The following DLG2 variants were observed in gnomAD, a reference collection of about 807,000 sequenced individuals.
DLG2 encodes the protein disks large homolog 2.
A neutral mutation model predicts 132.5 loss-of-function variants in DLG2; 45 were observed. That is an observed-to-expected ratio of 0.34 (90% CI 0.27 to 0.44). The LOEUF (loss-of-function observed/expected upper bound fraction) is 0.44. DLG2 is among the 20% of genes least tolerant of loss of function. The probability of loss-of-function intolerance (pLI) is 1.00; values close to 1 mark genes in which losing one functional copy is unlikely to be tolerated. For missense variants in DLG2, 1,045 were observed against 1,196.9 expected (o/e 0.87, Z 1.87); for synonymous variants, 424 against 419.6 (o/e 1.01, Z -0.13).
rs143183378 is a variant in DLG2 at position 83,780,321 on chromosome 11, G to A, written c.1825+6369C>T. Among the ~76,000 whole-genome samples the A allele has an allele frequency of 6.8e-3, 1,038 of 152,194 alleles. 14 individuals are homozygous for A. Among genetic ancestry groups the A allele is most frequent in the African/African-American group, 0.024 (995 of 41,510 alleles). On this transcript the variant is annotated intron_variant, in intron 18 of 27. Coordinates refer to ENST00000376104, the MANE Select transcript of DLG2 (RefSeq NM_001142699.3). ...TTGACCCCATAGAGAAATGCACCGT[G>A]GTGTCCAACTGTGGTTTAAGCTCTG...
intron 7 of DLG2, among the ~76,000 whole-genome samples, chr11:84,326,089 T>G (rs1429642659): frequency 6.6e-6 from 1 of 152,086 alleles, no homozygotes; most frequent in Admixed American, 6.5e-5. Flanking sequence ...GTAACATAAC[T>G]TCTTTCATTT....
chr11:85,412,725 T>TCTCACACACA (rs1555108877), intron 3 of DLG2, among the ~76,000 whole-genome samples: 3 of 92,254 alleles, frequency 3.3e-5, no homozygotes, highest in Non-Finnish European at 6.6e-5. Context: ...GAGCAGTATT[T>TCTCACACACA]CACACACACA....
intron 8 of DLG2, among the ~76,000 whole-genome samples, chr11:84,166,572 G>C (rs566473155): frequency 6.6e-6 from 1 of 150,792 alleles, no homozygotes; most frequent in Non-Finnish European, 1.5e-5. Flanking sequence ...CTTAATTTGT[G>C]AAAATTTGGT....
rs996445794 is a variant in DLG2 at position 83,996,395 on chromosome 11, C to T, written c.920-15753G>A. Among the ~76,000 whole-genome samples the T allele has an allele frequency of 3.9e-5, 6 of 152,172 alleles. No homozygotes were observed. The East Asian group carries it at 7.7e-4, about 20-fold the overall frequency. ...GGTGGAATGTAAATTAGTACAACCA[C>T]TATGGAGAACAGTTTGGACATTCCT... On this transcript the variant is annotated intron_variant, in intron 11 of 27. Transcript: ENST00000376104.
chr11:85,593,701 T>C (rs1278948208), intron 3 of DLG2, among the ~76,000 whole-genome samples: 2 of 152,176 alleles, frequency 1.3e-5, no homozygotes, highest in Non-Finnish European at 2.9e-5. Context: ...ATACACATTA[T>C]GATTAATAAT....
At chr11:84,773,576 G>A (rs949920037) in intron 6 of DLG2, among the ~76,000 whole-genome samples, 8 of 152,120 alleles carry the variant, frequency 5.3e-5, no homozygotes, top group African/African-American at 1.7e-4. Context: ...AAACCACCAC[G>A]ATCAAGTAGG....
rs572185837 is a variant in DLG2, at chr11:84,181,326, C to T, written c.574-17815G>A. Among the ~76,000 whole-genome samples, 23 of 149,988 alleles carry T rather than the reference C, an allele frequency of 1.5e-4. 2 individuals carry two copies. The South Asian group carries it at 4.7e-3, about 31-fold the overall frequency. The stretch of plus-strand genomic sequence containing the variant: ...ATGTGTAGTGCAAATTCTATGGCAA[C>T]CATTGAAAAAGTAAAAGAAGAAGTA... On this transcript the variant is annotated intron_variant, in intron 8 of 27. Coordinates refer to ENST00000376104, the MANE Select transcript of DLG2 (RefSeq NM_001142699.3).
At chr11:85,188,094 T>C (rs1517316) in intron 4 of DLG2, among the ~76,000 whole-genome samples, 3,024 of 152,250 alleles carry the variant, frequency 0.02, 59 homozygotes, top group Admixed American at 0.037. Flanking sequence ...GACATGGGAA[T>C]AGAGGACCTA....
At chr11:83,610,763 T>C (rs1440105205) in intron 19 of DLG2, among the ~76,000 whole-genome samples, 4 of 152,180 alleles carry the variant, frequency 2.6e-5, no homozygotes, top group Admixed American at 6.5e-5. Context: ...ATATTATAAA[T>C]AGTATCTGAT....
At chr11:84,706,282 T>A (rs530106032) in intron 6 of DLG2, among the ~76,000 whole-genome samples, 1 of 151,970 alleles carries the variant, frequency 6.6e-6, no homozygotes, top group Non-Finnish European at 1.5e-5. Flanking sequence ...CACAAGGTGC[T>A]AACACAATTC....
chr11:83,664,296 G>C (rs1353377437), intron 18 of DLG2, among the ~76,000 whole-genome samples: 2 of 152,192 alleles, frequency 1.3e-5, no homozygotes, highest in Non-Finnish European at 2.9e-5. Flanking sequence ...TTTTTTACTA[G>C]AGAGGTTATG....
At chr11:84,301,676 A>AG (rs2098156348) in intron 7 of DLG2, among the ~76,000 whole-genome samples, 1 of 147,736 alleles carries the variant, frequency 6.8e-6, no homozygotes, top group South Asian at 2.1e-4. Flanking sequence ...AAAAAAAAAA[A>AG]GTCAAGAAAC....
chr11:85,501,727 T>A (rs1165941668), intron 3 of DLG2, among the ~76,000 whole-genome samples: 1 of 152,000 alleles, frequency 6.6e-6, no homozygotes, highest in Non-Finnish European at 1.5e-5. Context: ...AGATACCATC[T>A]CACACCAGTC....
chr11:84,826,427 G>C (rs1292639868), intron 6 of DLG2, among the ~76,000 whole-genome samples: 1 of 151,814 alleles, frequency 6.6e-6, no homozygotes, highest in Non-Finnish European at 1.5e-5. Context: ...TGGTCTAGGA[G>C]AGCCTCGGAG....
At chr11:84,254,147 T>C (rs1031410049) in intron 7 of DLG2, among the ~76,000 whole-genome samples, 6 of 152,214 alleles carry the variant, frequency 3.9e-5, no homozygotes, top group Admixed American at 1.3e-4. Flanking sequence ...ATATCACATG[T>C]AATTCTTGTA....
chr11:83,934,983 GAT>G (rs1175864009), intron 14 of DLG2, among the ~76,000 whole-genome samples: 1 of 152,132 alleles, frequency 6.6e-6, no homozygotes, highest in Non-Finnish European at 1.5e-5. Context: ...ATATGTATAT[GAT>G]TTTGAGCATA....
chr11:83,693,290 G>A (rs1157973627), intron 18 of DLG2, among the ~76,000 whole-genome samples: 2 of 152,094 alleles, frequency 1.3e-5, no homozygotes, highest in Non-Finnish European at 2.9e-5. Context: ...TGGTGAATTT[G>A]AGCATTATTT....
intron 18 of DLG2, among the ~76,000 whole-genome samples, chr11:83,734,338 CCCTTCCTTCCTTCCTTCCTTCCTT>C (rs563427546): frequency 0.037 from 3,505 of 95,334 alleles, 79 homozygotes; most frequent in Middle Eastern, 0.057. Flanking sequence ...CACTAATTTT[CCCTTCCTTCCTTCCTTCCTTCCTT>C]CCTTCCTTCC....
intron 6 of DLG2, among the ~76,000 whole-genome samples, chr11:84,792,832 GGTTT>G (rs2074057905): frequency 1.3e-5 from 2 of 151,800 alleles, no homozygotes; most frequent in Non-Finnish European, 1.5e-5. Context: ...TCTGGATAAA[GGTTT>G]GTTAATTGCA....
Sources: allele counts gnomAD v4.1 joint callset (sites outside exome capture counted in the v4.1 genomes callset), GRCh38; gene constraint gnomAD v4.1.1; transcripts MANE v1.5; gene names NCBI Gene and HGNC (gene_info 2026-07-23, HGNC 2026-07-21).